OSMR: variants seen among roughly 807,000 people sequenced by gnomAD.
OSMR encodes the protein oncostatin M receptor, also known as oncostatin-M-specific receptor subunit beta.
A neutral mutation model predicts 99.9 loss-of-function variants in OSMR; 81 were observed. The observed-to-expected ratio is 0.81, with a 90% CI of 0.68 to 0.97. The LOEUF (loss-of-function observed/expected upper bound fraction) is 0.97, where lower values mean the gene tolerates loss of function less well. OSMR is among the 50% of genes least tolerant of loss of function. The pLI, the probability that OSMR is intolerant of heterozygous loss-of-function variation, is 0.00. For synonymous variants in OSMR, 406 were observed against 410.4 expected, an observed-to-expected ratio of 0.99 and a Z score of 0.13; for missense variants, 1,099 against 1,153.4, an observed-to-expected ratio of 0.95 and a Z score of 0.68.
At chr5:38,892,049 G>A (rs1043360021) in intron 7 of OSMR, among the ~76,000 whole-genome samples, 19 of 152,138 alleles carry the variant, frequency 1.2e-4, no homozygotes, top group African/African-American at 4.6e-4. Flanking sequence ...GAGTTCCTCT[G>A]GGGAAAAACT....
intron 7 of OSMR, among the ~76,000 whole-genome samples, chr5:38,895,025 G>T (rs1175413638): frequency 1.3e-5 from 2 of 150,088 alleles, no homozygotes; most frequent in African/African-American, 2.4e-5. Context: ...AATGAAGGAA[G>T]AAATTAAAAA....
intron 1 of OSMR, among the ~76,000 whole-genome samples, chr5:38,861,528 A>G (rs910217596): frequency 6.6e-6 from 1 of 152,224 alleles, no homozygotes; most frequent in African/African-American, 2.4e-5. Context: ...CTTTCTACAC[A>G]GACACCGCAA....
intron 1 of OSMR, among the ~76,000 whole-genome samples, chr5:38,863,130 G>A (rs1454161563): frequency 6.9e-6 from 1 of 145,052 alleles, no homozygotes; most frequent in Non-Finnish European, 1.5e-5. Context: ...TCCAGCTTCG[G>A]CTCGGCATCA....
In OSMR at chr5:38,933,928, C is replaced by T. The variant is rs1746900625; in HGVS notation, c.*484C>T. On this transcript the variant is annotated 3_prime_UTR_variant, in exon 18 of 18. Transcript: ENST00000274276. ...TACTGAGCGTGTTTTATAAAAAACT[C>T]ACAGGTGTTTGAGGCCAAAACAGAT... 6.7e-6 allele frequency: 1 copy of T among 149,868 alleles called. No homozygotes were observed. The allele number at this position is 149,868 out of a possible 1,614,324, so 9.3% of individuals were successfully genotyped here.
At chr5:38,855,081 G>A (rs867994544) in intron 1 of OSMR, among the ~76,000 whole-genome samples, 1 of 152,118 alleles carries the variant, frequency 6.6e-6, no homozygotes, top group Admixed American at 6.5e-5. Flanking sequence ...AGACTGTGTC[G>A]GGGCTGCAGG....
chr5:38,914,282 T>C (rs1327883850), intron 9 of OSMR, among the ~76,000 whole-genome samples: 5 of 152,186 alleles, frequency 3.3e-5, no homozygotes, highest in African/African-American at 4.8e-5. Context: ...GCTCACAGGG[T>C]ATTCTCTTGA....
intron 14 of OSMR, 185 bp from the exon 15 acceptor site, chr5:38,925,019 T>C (rs1746409495): frequency 1.0e-6 from 1 of 954,408 alleles, no homozygotes; most frequent in African/African-American, 1.8e-5. Context: ...TTGTGCCATC[T>C]CCTGACCATT....
In OSMR at chr5:38,933,075, G is replaced by A; in HGVS notation, c.2571G>A (p.Glu857=). Residue 857 remains glutamate (E), a synonymous_variant, in exon 18 of 18, where the codon GAG becomes GAA. Transcript: ENST00000274276. ...HSGPGPCICF[E]NLTYNQAASD... Reference sequence around the variant, plus strand: ...GCCCTGGCCCCTGCATCTGTTTTGAGAACTTGACCTATAACCAGGCAGCTT... The same window carrying A: ...GCCCTGGCCCCTGCATCTGTTTTGAAAACTTGACCTATAACCAGGCAGCTT... The A allele has an allele frequency of 6.2e-7, 1 of 1,614,140 alleles. No homozygotes were observed. Among genetic ancestry groups the A allele is most frequent in the Non-Finnish European group, 8.5e-7 (1 of 1,180,022 alleles).
chr5:38,924,594 A>C lies in OSMR; in HGVS notation c.2043A>C (p.Ser681=), dbSNP rs1305628228. Residue 681 remains serine (S), a splice_region_variant and synonymous_variant, in exon 14 of 18, where the codon TCA becomes TCC. Coordinates refer to ENST00000274276, the MANE Select transcript of OSMR (RefSeq NM_003999.3). The stretch of plus-strand genomic sequence containing the variant: ...CACGATTTGAAAAGGCAGTTCTTTC[A>C]GGTGACATCTATTTTTAATTTGTTT... ...CHPRFEKAVL[S]DGSECCKYKI... 1 of 1,602,542 alleles carries C rather than the reference A, an allele frequency of 6.2e-7. No homozygotes were observed.
intron 7 of OSMR, chr5:38,886,441 A>T: frequency 1.0e-6 from 1 of 992,964 alleles, no homozygotes; most frequent in Non-Finnish European, 1.4e-6. Context: ...TCTAACAATA[A>T]CTTCTGTCAT....
chr5:38,904,914 A>G (rs1160993040), intron 9 of OSMR, among the ~76,000 whole-genome samples: 1 of 152,152 alleles, frequency 6.6e-6, no homozygotes, highest in Non-Finnish European at 1.5e-5. Flanking sequence ...TTGGAACCTT[A>G]ATGGTTATTT....
chr5:38,848,541 C>T (rs1017680645), intron 1 of OSMR, among the ~76,000 whole-genome samples: 8 of 152,142 alleles, frequency 5.3e-5, no homozygotes, highest in Non-Finnish European at 1.0e-4. Context: ...GAAATGTAGA[C>T]GTGCCATCAC....
At chr5:38,851,424 G>C (rs930258897) in intron 1 of OSMR, among the ~76,000 whole-genome samples, 1 of 152,118 alleles carries the variant, frequency 6.6e-6, no homozygotes, top group African/African-American at 2.4e-5. Context: ...GGACTTGTAA[G>C]GGGAAAGGGA....
intron 1 of OSMR, among the ~76,000 whole-genome samples, chr5:38,857,834 A>G (rs1740976941): frequency 6.6e-6 from 1 of 151,790 alleles, no homozygotes; most frequent in Non-Finnish European, 1.5e-5. Context: ...TGCCTGGCTA[A>G]TTTTTGTGTT....
chr5:38,899,733 A>G (rs1744772117), intron 7 of OSMR, among the ~76,000 whole-genome samples: 1 of 152,110 alleles, frequency 6.6e-6, no homozygotes, highest in Non-Finnish European at 1.5e-5. Context: ...TGGGGGCCTC[A>G]TGACTCTGAC....
At chr5:38,857,558 A>G (rs921021138) in intron 1 of OSMR, among the ~76,000 whole-genome samples, 1 of 152,172 alleles carries the variant, frequency 6.6e-6, no homozygotes, top group Non-Finnish European at 1.5e-5. Flanking sequence ...GTGATGTTTC[A>G]GTGTATGTAT....
rs778907055 is a variant in OSMR at position 38,921,616 on chromosome 5, A to G, written c.1587A>G (p.Lys529=). 2 of 1,614,138 alleles carry G rather than the reference A, an allele frequency of 1.2e-6. No individual in the cohort carries two copies. Among genetic ancestry groups the G allele is most frequent in the South Asian group, 2.2e-5 (2 of 91,082 alleles). ...ATTGCTCTATTTGTTTATATACAGA[A>G]GAGGTTGAGGAAGAAAGAATTGCAG... The part of the protein sequence containing the change: ...VIVISADPEN[K]EVEEERIAGT... The change falls in exon 12 of 18, where the codon AAA becomes AAG. Residue 529 remains lysine (K), a splice_region_variant and synonymous_variant. Transcript: ENST00000274276.
At chr5:38,862,725 G>T (rs1202698571) in intron 1 of OSMR, among the ~76,000 whole-genome samples, 1 of 147,038 alleles carries the variant, frequency 6.8e-6, no homozygotes, top group Non-Finnish European at 1.5e-5. Context: ...ATGGGATGGC[G>T]GCCGGGAAGA....
rs553989858 is a variant in OSMR, at chr5:38,902,184, T to C, written c.992-1698T>C. 7.2e-5 allele frequency among the ~76,000 whole-genome samples: 11 copies of C among 152,306 alleles called. 1 individual carries two copies. The highest frequency in any genetic ancestry group is 2.0e-4 in the Admixed American group (3 of 15,306). ...ATTCTCCACTCAGTATGTATAAGAG[T>C]ACTACTTTTGTTGAATAAGCCATTG... On this transcript the variant is annotated intron_variant, in intron 7 of 17. Coordinates refer to ENST00000274276, the MANE Select transcript of OSMR (RefSeq NM_003999.3).
Sources: allele counts gnomAD v4.1 joint callset (sites outside exome capture counted in the v4.1 genomes callset), GRCh38; gene constraint gnomAD v4.1.1; transcripts MANE v1.5; gene names NCBI Gene and HGNC (gene_info 2026-07-23, HGNC 2026-07-21).